The following PCDH7 variants were observed in gnomAD, a reference collection of about 807,000 sequenced individuals.
PCDH7 encodes protocadherin 7.
Under a neutral mutation model 58.9 loss-of-function variants are expected in PCDH7, and 17 were observed. The ratio of observed to expected loss-of-function variants is 0.29; its 90% confidence interval spans 0.20 to 0.43. The LOEUF (loss-of-function observed/expected upper bound fraction) is 0.43. Ranked by LOEUF, PCDH7 falls within the 20% of genes least tolerant of loss-of-function variation. PCDH7 has a pLI of 1.00. For missense variants in PCDH7, 1,274 were observed against 1,441.0 expected (o/e 0.88, Z 1.88); for synonymous variants, 664 against 616.4 (o/e 1.08, Z -1.14).
chr4:31,029,158 C>T (rs184474208), intron 3 of PCDH7, among the ~76,000 whole-genome samples: 4 of 152,186 alleles, frequency 2.6e-5, no homozygotes, highest in African/African-American at 9.6e-5. Flanking sequence ...TACTGCTAAT[C>T]ATTTGTGCTC....
At chr4:31,072,093 A>G (rs972882665) in intron 3 of PCDH7, among the ~76,000 whole-genome samples, 1 of 152,008 alleles carries the variant, frequency 6.6e-6, no homozygotes, top group African/African-American at 2.4e-5. Context: ...ACACTAGCAC[A>G]CCTCTAAGAA....
chr4:31,142,535 G>A (rs1720391037), exon 4 of PCDH7: 2 of 1,367,714 alleles, frequency 1.5e-6, no homozygotes, highest in Non-Finnish European at 2.0e-6. Context: ...TGATGAGTAT[G>A]GCCACTCAGA....
At chr4:30,787,883 G>A (rs902208285) in intron 1 of PCDH7, among the ~76,000 whole-genome samples, 28 of 152,032 alleles carry the variant, frequency 1.8e-4, no homozygotes, top group Admixed American at 1.4e-3. Context: ...AAGCCATTCT[G>A]TTATCATTAT....
At chr4:30,957,122 G>A (rs978986504) in intron 3 of PCDH7, among the ~76,000 whole-genome samples, 9 of 152,110 alleles carry the variant, frequency 5.9e-5, no homozygotes, top group African/African-American at 1.9e-4. Flanking sequence ...CTCTGGTCAC[G>A]AGAGTTTAAC....
intron 1 of PCDH7, among the ~76,000 whole-genome samples, chr4:30,756,897 G>GT (rs1472186422): frequency 2.6e-5 from 4 of 152,250 alleles, no homozygotes; most frequent in South Asian, 2.1e-4. Context: ...TTTTCCAACT[G>GT]TTTTTTGCTA....
chr4:31,134,971 G>A (rs539245874), intron 3 of PCDH7, among the ~76,000 whole-genome samples: 2 of 152,240 alleles, frequency 1.3e-5, no homozygotes, highest in Admixed American at 6.5e-5. Flanking sequence ...ATGCAAAATC[G>A]ACAGTAAGAG....
At chr4:30,916,380 A>C (rs1742479588) in intron 1 of PCDH7, among the ~76,000 whole-genome samples, 1 of 152,174 alleles carries the variant, frequency 6.6e-6, no homozygotes, top group East Asian at 1.9e-4. Context: ...TTACCTAAAG[A>C]AATTCTTTGA....
At chr4:30,830,086 G>A (rs1365767819) in intron 1 of PCDH7, among the ~76,000 whole-genome samples, 1 of 151,526 alleles carries the variant, frequency 6.6e-6, no homozygotes, top group Non-Finnish European at 1.5e-5. Flanking sequence ...TTCTTTAATA[G>A]ACTCTCATCT....
At chr4:31,098,547 A>G (rs1054364583) in intron 3 of PCDH7, among the ~76,000 whole-genome samples, 2 of 152,292 alleles carry the variant, frequency 1.3e-5, no homozygotes, top group Admixed American at 6.5e-5. Flanking sequence ...TGATTATAGC[A>G]TGGACTCTGG....
At chr4:31,044,099 T>C (rs1172977242) in intron 3 of PCDH7, among the ~76,000 whole-genome samples, 1 of 152,084 alleles carries the variant, frequency 6.6e-6, no homozygotes, top group Admixed American at 6.6e-5. Context: ...TTTAAATACA[T>C]AAATAGGTCA....
chr4:30,881,028 G>C (rs1460075135), intron 1 of PCDH7, among the ~76,000 whole-genome samples: 1 of 152,124 alleles, frequency 6.6e-6, no homozygotes, highest in Non-Finnish European at 1.5e-5. Flanking sequence ...AAGACCATCA[G>C]ATTAGCTTTC....
At chr4:31,075,306 T>C (rs909760800) in intron 3 of PCDH7, among the ~76,000 whole-genome samples, 1 of 152,056 alleles carries the variant, frequency 6.6e-6, no homozygotes, top group Non-Finnish European at 1.5e-5. Flanking sequence ...AGATTAGCAA[T>C]GTACCATGGG....
At chr4:30,955,476 T>G (rs531486132) in intron 3 of PCDH7, among the ~76,000 whole-genome samples, 4 of 150,736 alleles carry the variant, frequency 2.7e-5, no homozygotes, top group South Asian at 4.2e-4. Flanking sequence ...GGCCACTATT[T>G]TTATTTATTT....
At chr4:30,894,506 TATATATATATACACAC>T (rs1174633049) in intron 1 of PCDH7, among the ~76,000 whole-genome samples, 45 of 50,332 alleles carry the variant, frequency 8.9e-4, no homozygotes, top group Middle Eastern at 0.014. Flanking sequence ...TATATATATA[TATATATATATACACAC>T]ACACACACAC....
At chr4:31,141,068 A>G (rs978667551) in intron 3 of PCDH7, among the ~76,000 whole-genome samples, 1 of 152,232 alleles carries the variant, frequency 6.6e-6, no homozygotes, top group African/African-American at 2.4e-5. Flanking sequence ...AAAATGACAA[A>G]CATTAGTGGC....
At position 31,065,893 on chromosome 4, in the gene PCDH7, A is replaced by G. The variant is rs567960503; in HGVS notation, c.*8-76580A>G. ...GTCAGGATTCTTTTAATTGTGCAAT[A>G]TAATTTCACTGCGAAAAATTGAGTT... On this transcript the variant is annotated intron_variant, in intron 3 of 3. Coordinates refer to the PCDH7 transcript ENST00000509759. 4.6e-5 allele frequency among the ~76,000 whole-genome samples: 7 copies of G among 152,042 alleles called. No homozygotes were observed. The South Asian group carries it at 1.5e-3, about 32-fold the overall frequency.
intron 3 of PCDH7, among the ~76,000 whole-genome samples, chr4:31,018,699 C>A (rs1477906756): frequency 6.6e-6 from 1 of 152,204 alleles, no homozygotes; most frequent in Non-Finnish European, 1.5e-5. Context: ...TGCAGCATCT[C>A]ATTTGTAATA....
chr4:30,789,400 G>C (rs1025539360), intron 1 of PCDH7, among the ~76,000 whole-genome samples: 2 of 152,178 alleles, frequency 1.3e-5, no homozygotes, highest in African/African-American at 4.8e-5. Context: ...GTTTATTGCT[G>C]TAGGCTCTTT....
At chr4:31,120,000 A>G (rs886605799) in intron 3 of PCDH7, among the ~76,000 whole-genome samples, 1 of 150,770 alleles carries the variant, frequency 6.6e-6, no homozygotes, top group Non-Finnish European at 1.5e-5. Context: ...GCTGGCTGCG[A>G]CCAATTATTA....
Sources: gnomAD v4.1 joint callset for allele counts (sites outside exome capture counted in the v4.1 genomes callset) on GRCh38, gnomAD v4.1.1 for gene constraint, MANE v1.5 for transcripts, NCBI Gene and HGNC (gene_info 2026-07-23, HGNC 2026-07-21) for gene names.